The following PKD1L1 variants were observed in gnomAD, a reference collection of about 807,000 sequenced individuals.
PKD1L1 encodes polycystin 1 like 1, transient receptor potential channel interacting, also known as polycystin-1-like protein 1.
A neutral mutation model predicts 323.4 loss-of-function variants in PKD1L1; 236 were observed. That is an observed-to-expected ratio of 0.73 (90% CI 0.66 to 0.81). The LOEUF is 0.81. Ranked by LOEUF, PKD1L1 falls within the 40% of genes least tolerant of loss-of-function variation. PKD1L1 has a pLI of 0.00. For synonymous variants in PKD1L1, 1,344 were observed against 1,335.0 expected, an observed-to-expected ratio of 1.01 and a Z score of -0.15; for missense variants, 3,320 against 3,508.0, an observed-to-expected ratio of 0.95 and a Z score of 1.35.
At chr7:47,824,801 TC>T (rs752686036) in intron 45 of PKD1L1, among the ~76,000 whole-genome samples, 2 of 152,150 alleles carry the variant, frequency 1.3e-5, no homozygotes, top group Non-Finnish European at 2.9e-5. Context: ...TCTTCATGCT[TC>T]TACATAGCTG....
chr7:47,779,923 C>G (rs1786652119), intron 56 of PKD1L1, among the ~76,000 whole-genome samples: 2 of 152,156 alleles, frequency 1.3e-5, no homozygotes, highest in Admixed American at 6.5e-5. Flanking sequence ...CTAGACTATT[C>G]TCTTGTTTGC....
the PKD1L1 span, among the ~76,000 whole-genome samples, chr7:47,957,860 A>T: frequency 7.1e-3 from 876 of 123,708 alleles, 17 homozygotes; most frequent in Middle Eastern, 0.016. Flanking sequence ...CAATTAAAAA[A>T]AAATATATAT....
chr7:47,912,829 A>G (rs1205780478), intron 8 of PKD1L1, among the ~76,000 whole-genome samples: 1 of 151,562 alleles, frequency 6.6e-6, no homozygotes, highest in Non-Finnish European at 1.5e-5. Context: ...AAAAAAAAAA[A>G]AAAAAAAAAG....
intron 44 of PKD1L1, among the ~76,000 whole-genome samples, chr7:47,827,909 A>T (rs1290207199): frequency 6.6e-6 from 1 of 152,090 alleles, no homozygotes; most frequent in East Asian, 1.9e-4. Flanking sequence ...TTACTTTCAT[A>T]CTCTGTTCGT....
At chr7:47,930,587 C>CGGGT (rs1787749411) in intron 6 of PKD1L1, among the ~76,000 whole-genome samples, 1 of 151,506 alleles carries the variant, frequency 6.6e-6, no homozygotes, top group African/African-American at 2.4e-5. Flanking sequence ...GAGGCCGAGG[C>CGGGT]GGGTGGATCA....
chr7:47,795,532 A>C, intron 55 of PKD1L1: 1 of 356,772 alleles, frequency 2.8e-6, no homozygotes, highest in Non-Finnish European at 5.5e-6. Context: ...AGCCATGAAG[A>C]AAGTGAGTAT....
chr7:47,883,264 G>A (rs530355092), intron 19 of PKD1L1, among the ~76,000 whole-genome samples: 1 of 152,300 alleles, frequency 6.6e-6, no homozygotes, highest in East Asian at 1.9e-4. Context: ...GCTGGGGCTA[G>A]CCAACTCTTA....
intron 2 of PKD1L1, among the ~76,000 whole-genome samples, chr7:47,942,389 C>T (rs1443298526): frequency 1.3e-5 from 2 of 152,132 alleles, no homozygotes; most frequent in East Asian, 3.8e-4. Context: ...AAAGAATTGG[C>T]GTTGCATTGT....
chr7:47,948,479 A>G (rs180878940), upstream of PKD1L1: 5 of 1,606,800 alleles, frequency 3.1e-6, no homozygotes, highest in Admixed American at 6.7e-5. Flanking sequence ...CAGTCAGCAG[A>G]CCAGCTTCTT....
intron 13 of PKD1L1, among the ~76,000 whole-genome samples, 199 bp downstream of exon 13, chr7:47,902,180 G>C (rs982839725): frequency 6.6e-6 from 1 of 152,190 alleles, no homozygotes; most frequent in Non-Finnish European, 1.5e-5. Flanking sequence ...TGTCCAGGCT[G>C]GGGTAGCCCT....
intron 31 of PKD1L1, among the ~76,000 whole-genome samples, chr7:47,851,292 G>T: frequency 6.6e-6 from 1 of 152,198 alleles, no homozygotes; most frequent in East Asian, 1.9e-4. Flanking sequence ...AAGCACTTGA[G>T]GATTGTGATG....
chr7:47,914,492 AT>A (rs1787387416), intron 8 of PKD1L1, among the ~76,000 whole-genome samples: 1 of 152,210 alleles, frequency 6.6e-6, no homozygotes, highest in Admixed American at 6.5e-5. Flanking sequence ...AGGGGTCTTC[AT>A]AGGCAAGGCA....
intron 3 of PKD1L1, among the ~76,000 whole-genome samples, chr7:47,939,676 A>C (rs1276633968): frequency 6.6e-6 from 1 of 152,168 alleles, no homozygotes; most frequent in Non-Finnish European, 1.5e-5. Flanking sequence ...GTCTTCAACG[A>C]GCTCCCCACA....
intron 45 of PKD1L1, among the ~76,000 whole-genome samples, chr7:47,823,974 G>A (rs536258095): frequency 1.3e-5 from 2 of 152,298 alleles, no homozygotes; most frequent in South Asian, 2.1e-4. Context: ...TTCTAATCTT[G>A]ATGTCAAATT....
At chr7:47,825,291 A>G (rs1193573467) in intron 45 of PKD1L1, among the ~76,000 whole-genome samples, 2 of 151,852 alleles carry the variant, frequency 1.3e-5, no homozygotes, top group Non-Finnish European at 2.9e-5. Context: ...GCACTTTGGG[A>G]GGTTGAGGTG....
chr7:47,929,056 CACTGAGCT>C, intron 7 of PKD1L1, 140 bp downstream of exon 7: 1 of 759,068 alleles, frequency 1.3e-6, no homozygotes, highest in Non-Finnish European at 2.1e-6. Context: ...CGCAGTGTGC[CACTGAGCT>C]ACTATTCTTG....
chr7:47,878,651 C>T (rs550977883), intron 21 of PKD1L1, among the ~76,000 whole-genome samples: 13 of 152,294 alleles, frequency 8.5e-5, no homozygotes, highest in Middle Eastern at 3.4e-3. Context: ...AAAGAAGACA[C>T]ATTTGAGTGA....
In PKD1L1 at chr7:47,866,632, G is replaced by A; in HGVS notation, c.3897-18C>T. 1.9e-6 allele frequency: 3 copies of A among 1,582,336 alleles called. No individual in the cohort carries two copies. In the African/African-American group the frequency reaches 4.1e-5, roughly 21 times the overall value. ...AATTATACCTGAAGGAAACACAAGA[G>A]TTATCATTACTGTTCCAACACACGG... On this transcript the variant is annotated intron_variant, in intron 24 of 56. Transcript: ENST00000289672.
chr7:47,874,355 G>A (rs565242550), intron 23 of PKD1L1, among the ~76,000 whole-genome samples: 5 of 152,164 alleles, frequency 3.3e-5, no homozygotes, highest in Non-Finnish European at 7.3e-5. Context: ...CTGTGGTGAG[G>A]GGACCTGCAG....
Sources: allele counts gnomAD v4.1 joint callset (sites outside exome capture counted in the v4.1 genomes callset), GRCh38; gene constraint gnomAD v4.1.1; transcripts MANE v1.5; gene names NCBI Gene and HGNC (gene_info 2026-07-23, HGNC 2026-07-21).